Variants in TPR observed in about 807,000 individuals in gnomAD.
The protein encoded by TPR is translocated promoter region, nuclear basket protein.
TPR carries 51 observed loss-of-function variants against 316.1 expected under a neutral mutation model. That is an observed-to-expected ratio of 0.16 (90% confidence interval 0.13 to 0.20). The LOEUF (loss-of-function observed/expected upper bound fraction) is 0.20, where lower values mean the gene tolerates loss of function less well. Ranked by LOEUF, TPR falls within the 10% of genes least tolerant of loss-of-function variation. The probability of loss-of-function intolerance (pLI) is 1.00; values close to 1 mark genes in which losing one functional copy is unlikely to be tolerated. For missense variants in TPR, 2,272 were observed against 2,754.8 expected (o/e 0.82, Z 3.92); for synonymous variants, 981 against 914.7 (o/e 1.07, Z -1.31).
At chr1:186,315,714 T>TC (rs1657590837) in intron 49 of TPR, among the ~76,000 whole-genome samples, 1 of 151,624 alleles carries the variant, frequency 6.6e-6, no homozygotes, top group Non-Finnish European at 1.5e-5. Flanking sequence ...ATTACAATGA[T>TC]CTACTCGATC....
Position 186,318,466 on chromosome 1 carries a change from C to T in TPR, c.6802G>A (p.Val2268Met), listed in dbSNP as rs1657675070. Residue 2268 changes from valine (V) to methionine (M), a missense_variant, in exon 48 of 51, where the codon GTG (valine) becomes ATG (methionine). Around this residue, in one of 10 missense-constraint regions of TPR, gnomAD observed 123 missense variants for 142.3 expected, o/e 0.86. Coordinates refer to ENST00000367478, the MANE Select transcript of TPR (RefSeq NM_003292.3). ...TTTTACCCTTCAGATTCTGCCTCCACAAATACTTCATCTCCATCATCACCT... is the reference window on the plus strand; with the variant it reads ...TTTTACCCTTCAGATTCTGCCTCCATAAATACTTCATCTCCATCATCACCT... Reference protein sequence around the residue: ...ATGDDGDEVFVEAESEGISSE... With the variant: ...ATGDDGDEVFMEAESEGISSE... 1 of 1,611,320 alleles carries T rather than the reference C, an allele frequency of 6.2e-7. No homozygotes were observed. The highest frequency in any genetic ancestry group is 1.3e-5 in the African/African-American group (1 of 74,734).
At chr1:186,333,569 T>C (rs1658242420) in intron 36 of TPR, among the ~76,000 whole-genome samples, 175 bp from the exon 37 acceptor site, 4 of 152,130 alleles carry the variant, frequency 2.6e-5, no homozygotes, top group Non-Finnish European at 5.9e-5. Context: ...GTAATTGATA[T>C]GGTAGCATGC....
intron 1 of TPR, among the ~76,000 whole-genome samples, chr1:186,374,657 C>G (rs558468881): frequency 6.6e-6 from 1 of 152,302 alleles, no homozygotes; most frequent in African/African-American, 2.4e-5. Flanking sequence ...TGAGCCTACC[C>G]TAACTACAAA....
intron 38 of TPR, 125 bp downstream of exon 38, chr1:186,332,070 A>C: frequency 9.7e-7 from 1 of 1,035,722 alleles, no homozygotes; most frequent in Non-Finnish European, 1.3e-6. Flanking sequence ...TAGAAAGTTC[A>C]ATAAAAGTGT....
rs35766045 is a variant in TPR, at chr1:186,334,388, T to C, written c.5119A>G (p.Thr1707Ala). ...IRPMVTPATV[T>A]NPTTTPTATV... Reference sequence around the variant, plus strand: ...GCTGTTGGGGTAGTAGTGGGATTTGTAACAGTTGCAGGTGTAACCATTGGG... The same window carrying C: ...GCTGTTGGGGTAGTAGTGGGATTTGCAACAGTTGCAGGTGTAACCATTGGG... The change falls in exon 36 of 51, where the codon ACA becomes GCA. Residue 1707 changes from threonine to alanine, a missense_variant. Thr to Ala is a moderately conservative substitution (Grantham distance 58, BLOSUM62 0). Around this residue, in one of 10 missense-constraint regions of TPR, gnomAD observed 109 missense variants for 215.3 expected, o/e 0.51. Coordinates refer to ENST00000367478, the MANE Select transcript of TPR (RefSeq NM_003292.3). The C allele has an allele frequency of 5.9e-3, 9,459 of 1,613,598 alleles. 57 individuals are homozygous for C. Among genetic ancestry groups the C allele is most frequent in the Middle Eastern group, 8.9e-3 (54 of 6,034 alleles).
intron 48 of TPR, 92 bp from the exon 49 acceptor site, chr1:186,317,692 T>C (rs1657651153): frequency 8.2e-7 from 1 of 1,212,948 alleles, no homozygotes; most frequent in South Asian, 1.4e-5. Context: ...ATCACTTAAG[T>C]AATCCAGAGC....
chr1:186,373,606 A>G (rs1659598055), intron 1 of TPR, 143 bp from the exon 2 acceptor site: 1 of 492,792 alleles, frequency 2.0e-6, no homozygotes, highest in Admixed American at 3.4e-5. Context: ...GAATCTGAGT[A>G]AAGATAAATA....
chr1:186,354,151 G>A (rs1432034621), intron 17 of TPR, among the ~76,000 whole-genome samples: 3 of 151,920 alleles, frequency 2.0e-5, no homozygotes, highest in African/African-American at 7.3e-5. Context: ...TTTTCTAAAT[G>A]GGAAAGGGGT....
At chr1:186,342,564 T>C (rs1658541668) in intron 27 of TPR, 1 of 152,230 alleles carries the variant, frequency 6.6e-6, no homozygotes, top group South Asian at 2.1e-4. Flanking sequence ...CTGGAACCTT[T>C]AGCTTTTGCT....
intron 4 of TPR, among the ~76,000 whole-genome samples, chr1:186,366,998 CCTTT>C (rs967494307): frequency 1.3e-4 from 20 of 149,388 alleles, no homozygotes; most frequent in South Asian, 8.4e-4. Flanking sequence ...ATCTGAAAAT[CCTTT>C]CTTTTATAGA....
Position 186,314,046 on chromosome 1 carries a change from C to A in TPR, c.7037-20G>T. ...TCACACCTGTAAAAGAAAAAAGAAT[C>A]AAATTGAATATATCTTTTAAGAATT... On this transcript the variant is annotated intron_variant, in intron 50 of 50. Transcript: ENST00000367478. 2 of 1,603,588 alleles carry A rather than the reference C, an allele frequency of 1.2e-6. No individual in the cohort carries two copies. Among genetic ancestry groups the A allele is most frequent in the South Asian group, 1.1e-5 (1 of 90,196 alleles).
rs773850455 is a variant in TPR, at chr1:186,318,440, C to T, written c.6821+7G>A. ...AAGCAAGCAAAAACAACAAAATAAA[C>T]TTTTACCCTTCAGATTCTGCCTCCA... On this transcript the variant is annotated splice_region_variant and intron_variant, in intron 48 of 50. Coordinates refer to ENST00000367478, the MANE Select transcript of TPR (RefSeq NM_003292.3). 1 of 1,606,124 alleles carries T rather than the reference C, an allele frequency of 6.2e-7. No individual in the cohort carries two copies. The highest frequency in any genetic ancestry group is 1.1e-5 in the South Asian group (1 of 89,232).
At position 186,338,181 on chromosome 1, in the gene TPR, T is replaced by C. The variant is rs1262243338; in HGVS notation, c.4214A>G (p.Lys1405Arg). 2 of 1,612,942 alleles carry C rather than the reference T, an allele frequency of 1.2e-6. No homozygotes were observed. The highest frequency in any genetic ancestry group is 1.7e-6 in the Non-Finnish European group (2 of 1,179,562). ...LIQSLKEDLN[K>R]VRTEKETIQK... Reference sequence around the variant, plus strand: ...GATGGTTTCCTTTTCAGTTCTTACTTTATTTAGATCTTCCTTCAGACTCTG... The same window carrying C: ...GATGGTTTCCTTTTCAGTTCTTACTCTATTTAGATCTTCCTTCAGACTCTG... The change falls in exon 31 of 51, where the codon AAA (lysine) becomes AGA (arginine). Residue 1405 changes from lysine (K) to arginine (R), a missense_variant. This residue lies in a region of TPR where 96 missense variants were observed against 134.6 expected (regional missense o/e 0.71). Coordinates refer to ENST00000367478, the MANE Select transcript of TPR (RefSeq NM_003292.3).
In TPR at chr1:186,341,053, A is replaced by T; in HGVS notation, c.3995T>A (p.Val1332Asp). 6.2e-7 allele frequency: 1 copy of T among 1,613,920 alleles called. No individual in the cohort carries two copies. Residue 1332 changes from valine to aspartate, a missense_variant, in exon 29 of 51, where the codon GTC becomes GAC. Transcript: ENST00000367478. ...QAEKKLLEED[V>D]KRWKARNQHL... The stretch of plus-strand genomic sequence containing the variant: ...CTGGTTACGTGCTTTCCAACGTTTG[A>T]CATCCTCTTCTAAGAGCTTCTTCTC...
chr1:186,318,947 A>G lies in TPR; in HGVS notation c.6569-119T>C, dbSNP rs896188285. The G allele has an allele frequency of 3.3e-6, 3 of 901,728 alleles. No individual in the cohort carries two copies. In the African/African-American group the frequency reaches 5.1e-5, roughly 15 times the overall value. The allele number at this position is 901,728 out of a possible 1,614,324, so 55.9% of individuals were successfully genotyped here. A position where few individuals can be genotyped will look rare whatever the true frequency, so the allele number is the denominator to read the frequency against. On this transcript the variant is annotated intron_variant, in intron 46 of 50. Transcript: ENST00000367478. ...ATATACAACTTTACTAAAGTCCACG[A>G]TTTAATTATTCCATCAAGCAAAAAT...
At chr1:186,352,440 CCTGA>C (rs1176333235) in intron 18 of TPR, among the ~76,000 whole-genome samples, 2 of 152,190 alleles carry the variant, frequency 1.3e-5, no homozygotes, top group Non-Finnish European at 2.9e-5. Flanking sequence ...ATCATTCATA[CCTGA>C]CTACTATTAA....
At chr1:186,333,081 T>A in intron 37 of TPR, 41 bp downstream of exon 37, 1 of 1,597,318 alleles carries the variant, frequency 6.3e-7, no homozygotes, top group South Asian at 1.1e-5. Context: ...ATCTTATAAA[T>A]GCATAGGTCT....
chr1:186,349,898 G>A (rs1303662653), intron 21 of TPR, among the ~76,000 whole-genome samples: 1 of 152,040 alleles, frequency 6.6e-6, no homozygotes, highest in East Asian at 1.9e-4. Flanking sequence ...TTATTTCCAA[G>A]GGGCCCGGGT....
chr1:186,316,515 A>C (rs575629799), intron 49 of TPR, among the ~76,000 whole-genome samples: 3 of 152,322 alleles, frequency 2.0e-5, no homozygotes, highest in African/African-American at 2.4e-5. Context: ...GCAGAGTTTG[A>C]GAATTACCAC....
Sources: allele counts gnomAD v4.1 joint callset (sites outside exome capture counted in the v4.1 genomes callset), GRCh38; gene constraint gnomAD v4.1.1; regional missense constraint gnomAD v4.1.1; transcripts MANE v1.5; gene names NCBI Gene and HGNC (gene_info 2026-07-23, HGNC 2026-07-21).